Variants in QRICH2 observed in about 807,000 individuals in gnomAD.
QRICH2 encodes glutamine-rich protein 2.
Under a neutral mutation model 168.3 loss-of-function variants are expected in QRICH2, and 119 were observed. The ratio of observed to expected loss-of-function variants is 0.71; its 90% CI spans 0.61 to 0.82. QRICH2 has a LOEUF of 0.82. Ranked by LOEUF, QRICH2 falls within the 40% of genes least tolerant of loss-of-function variation. QRICH2 has a pLI of 0.00. For synonymous variants in QRICH2, 894 were observed against 951.2 expected (o/e 0.94, Z 1.11); for missense variants, 2,241 against 2,491.6 (o/e 0.90, Z 2.14).
intron 16 of QRICH2, 84 bp downstream of exon 16, chr17:76,277,079 T>C (rs993373308): frequency 8.5e-6 from 12 of 1,415,178 alleles, no homozygotes; most frequent in Non-Finnish European, 1.1e-5. Context: ...GCTGGCTGAT[T>C]TTCTGGTGGC....
Position 76,277,281 on chromosome 17 carries a change from G to A in QRICH2, c.5147C>T (p.Ser1716Leu), listed in dbSNP as rs1298361773. 6.2e-7 allele frequency: 1 copy of A among 1,608,228 alleles called. No homozygotes were observed. The highest frequency in any genetic ancestry group is 8.5e-7 in the Non-Finnish European group (1 of 1,178,372). Residue 1716 changes from serine (S) to leucine (L), a missense_variant, in exon 16 of 19, where the codon TCA (serine) becomes TTA (leucine). Physicochemically the swap from Ser to Leu is moderately radical, Grantham distance 145. Coordinates refer to ENST00000680821, the MANE Select transcript of QRICH2 (RefSeq NM_001388453.1). ...GCCCCCGCAGCGCCGGGGCACAGTT[G>A]AGTAGGTGTAATCAGCCATATCTGT... is the stretch of plus-strand genomic sequence containing the variant. The part of the protein sequence containing the change: ...RVTDMADYTY[S>L]TVPRRCGGSH...
In QRICH2 at chr17:76,308,010, G is replaced by A; in HGVS notation, c.-12C>T. The A allele has an allele frequency of 3.2e-6, 4 of 1,232,768 alleles. No homozygotes were observed. Among genetic ancestry groups the A allele is most frequent in the South Asian group, 4.1e-5 (1 of 24,544 alleles). The allele number at this position is 1,232,768 out of a possible 1,614,324, so 76.4% of individuals were successfully genotyped here. ...GTCGCGGGCGGCATCGTGGCTGTCA[G>A]GAGCTGTGCGCCGCCGCGGGGCGCC... On this transcript the variant is annotated 5_prime_UTR_variant, in exon 1 of 19. Coordinates refer to ENST00000680821, the MANE Select transcript of QRICH2 (RefSeq NM_001388453.1).
intron 7 of QRICH2, among the ~76,000 whole-genome samples, chr17:76,286,060 A>C (rs2070879322): frequency 6.6e-6 from 1 of 152,120 alleles, no homozygotes; most frequent in East Asian, 1.9e-4. Flanking sequence ...CTGTAGTCCC[A>C]GCTACTCGGG....
In QRICH2 at chr17:76,291,761, C is replaced by T. The variant is rs375002218; in HGVS notation, c.2966G>A (p.Arg989His). 6.4e-5 allele frequency: 103 copies of T among 1,614,056 alleles called. No individual in the cohort carries two copies. The highest frequency in any genetic ancestry group is 1.7e-4 in the Admixed American group (10 of 59,998). Residue 989 changes from arginine to histidine, a missense_variant, in exon 4 of 19, where the codon CGT becomes CAT. Coordinates refer to ENST00000680821, the MANE Select transcript of QRICH2 (RefSeq NM_001388453.1). Reference protein sequence around the residue: ...PGLIAPGTKLRGSSTFQADST... With the variant: ...PGLIAPGTKLHGSSTFQADST... Reference sequence around the variant, plus strand: ...ATCTGCCTGGAATGTTGAAGAGCCACGAAGCTTTGTGCCTGGTGCTATCAA... The same window carrying T: ...ATCTGCCTGGAATGTTGAAGAGCCATGAAGCTTTGTGCCTGGTGCTATCAA...
At chr17:76,274,712 G>C (rs191100108) in intron 18 of QRICH2, among the ~76,000 whole-genome samples, 2 of 152,176 alleles carry the variant, frequency 1.3e-5, no homozygotes, top group Non-Finnish European at 2.9e-5. Context: ...ACAGTCATGT[G>C]CTCACTGTCC....
Position 76,292,546 on chromosome 17 carries a change from C to G in QRICH2, c.2181G>C (p.Gln727His), listed in dbSNP as rs535027398. Residue 727 changes from glutamine to histidine, a missense_variant, in exon 4 of 19, where the codon CAG (glutamine) becomes CAC (histidine). By Grantham distance (24) the Gln-to-His change is conservative. This residue lies in a region of QRICH2 where 2,047 missense variants were observed against 2,303.8 expected (regional missense o/e 0.89). Transcript: ENST00000680821. ...CTACTCCAGGTTGGACCAAACCATG[C>G]TGAACTGCACCAGGTTGAGCCAAAT... ...QSDLAQPGAVQHGLVQPGVDQ... is the reference protein window; with the variant it reads ...QSDLAQPGAVHHGLVQPGVDQ... The G allele has an allele frequency of 8.4e-5, 135 of 1,613,812 alleles. No individual in the cohort carries two copies. The highest frequency in any genetic ancestry group is 1.1e-4 in the Non-Finnish European group (130 of 1,179,942).
Position 76,307,644 on chromosome 17 carries a change from G to A in QRICH2, c.355C>T (p.Arg119Cys). 8 of 1,483,922 alleles carry A rather than the reference G, an allele frequency of 5.4e-6. No individual in the cohort carries two copies. Among genetic ancestry groups the A allele is most frequent in the South Asian group, 2.7e-5 (2 of 74,496 alleles). 91.9% of individuals were successfully genotyped at this position (1,483,922 alleles called of 1,614,324 possible). A position where few individuals can be genotyped will look rare whatever the true frequency, so the allele number is the denominator to read the frequency against. Residue 119 changes from arginine (R) to cysteine (C), a missense_variant, in exon 1 of 19, where the codon CGT (arginine) becomes TGT (cysteine). Arg to Cys is a radical substitution (Grantham distance 180). Transcript: ENST00000680821. This position sits in a 1 kb window ranked among gnomAD's most constrained non-coding sequence, Gnocchi z 5.3. ...QVEDLSKQLK[R>C]VDGQVQGIAT... is the part of the protein sequence containing the mutation. ...ATGCCCTGCACCTGGCCGTCCACAC[G>A]CTTGAGCTGCTTGCTCAGGTCCTCC...
At chr17:76,277,467 G>A (rs1436463148) in intron 15 of QRICH2, among the ~76,000 whole-genome samples, 157 bp from the exon 16 acceptor site, 1 of 152,034 alleles carries the variant, frequency 6.6e-6, no homozygotes, top group African/African-American at 2.4e-5. Context: ...GGCGGGCGGG[G>A]GTAGAGCAGC....
rs61553346 is a variant in QRICH2 at position 76,284,168 on chromosome 17, CA to C, written c.4012-2054del. Among the ~76,000 whole-genome samples the C allele has an allele frequency of 7.0e-3, 439 of 62,724 alleles. 7 individuals carry two copies. The highest frequency in any genetic ancestry group is 0.027 in the African/African-American group (251 of 9,166). 41.1% of individuals were successfully genotyped at this position (62,724 alleles called of 152,430 possible). On this transcript the variant is annotated intron_variant, in intron 7 of 18. Coordinates refer to ENST00000680821, the MANE Select transcript of QRICH2 (RefSeq NM_001388453.1). ...GGGCAACAGAGCAAAACTCTGTCTCCAAAAAAAAAAAAAAAAAAAAAAAAAA... is the reference window on the plus strand; with the variant it reads ...GGGCAACAGAGCAAAACTCTGTCTCCAAAAAAAAAAAAAAAAAAAAAAAAA...
Position 76,281,773 on chromosome 17 carries a change from C to G in QRICH2, c.4263+91G>C. The stretch of plus-strand genomic sequence containing the variant: ...GAGAGCTGACCTTGAGGCCCAAACA[C>G]CCGCCCCACTTCTGTGGGTCTGCAG... On this transcript the variant is annotated intron_variant, in intron 8 of 18. Transcript: ENST00000680821. This position sits in a 1 kb window ranked among gnomAD's most constrained non-coding sequence, Gnocchi z 4.4. 6.6e-7 allele frequency: 1 copy of G among 1,523,230 alleles called. No homozygotes were observed. Among genetic ancestry groups the G allele is most frequent in the South Asian group, 1.2e-5 (1 of 82,840 alleles). The allele number at this position is 1,523,230 out of a possible 1,614,324, so 94.4% of individuals were successfully genotyped here. A position where few individuals can be genotyped will look rare whatever the true frequency, so the allele number is the denominator to read the frequency against.
In QRICH2 at chr17:76,307,773, G is replaced by A; in HGVS notation, c.226C>T (p.Pro76Ser). ...GGCGCCCCCTTGGGCACCTCCTTGG[G>A]CGCGGGCAGGTGCGGGATGCTGAAC... Reference protein sequence around the residue: ...SSFSIPHLPAPKEVPKGAPRE... With the variant: ...SSFSIPHLPASKEVPKGAPRE... The change falls in exon 1 of 19, where the codon CCC becomes TCC. Residue 76 changes from proline to serine, a missense_variant. Pro to Ser is a moderately conservative substitution (Grantham distance 74). Around this residue, in one of 3 missense-constraint regions of QRICH2, gnomAD observed 2,047 missense variants for 2,303.8 expected, o/e 0.89. Coordinates refer to ENST00000680821, the MANE Select transcript of QRICH2 (RefSeq NM_001388453.1). This position sits in a 1 kb window ranked among gnomAD's most constrained non-coding sequence, Gnocchi z 5.3. The A allele has an allele frequency of 7.2e-7, 1 of 1,386,028 alleles. No individual in the cohort carries two copies. Among genetic ancestry groups the A allele is most frequent in the South Asian group, 1.7e-5 (1 of 59,442 alleles). The allele number at this position is 1,386,028 out of a possible 1,614,324, so 85.9% of individuals were successfully genotyped here.
rs758161021 is a variant in QRICH2 at position 76,291,370 on chromosome 17, T to TA, written c.3356dup (p.Ser1120LysfsTer3). ...CTTCCTGGCCATGCTGATCAGCACT[T>TA]AGATACCCTGGGCCACGATAACCAG... is the stretch of plus-strand genomic sequence containing the variant. On this transcript the variant is annotated frameshift_variant, in exon 4 of 19. Coordinates refer to ENST00000680821, the MANE Select transcript of QRICH2 (RefSeq NM_001388453.1). LOFTEE classifies it high-confidence loss of function. 6.2e-7 allele frequency: 1 copy of TA among 1,614,050 alleles called. No individual in the cohort carries two copies. The highest frequency in any genetic ancestry group is 8.5e-7 in the Non-Finnish European group (1 of 1,180,004).
rs2070963253 is a variant in QRICH2, at chr17:76,290,206, T to G, written c.3713-129A>C. On this transcript the variant is annotated intron_variant, in intron 4 of 18. Transcript: ENST00000680821. ...AGGACCTATTACTTTATCCTGTGTC[T>G]CCTGGTGACTGGGAAAGGGAGGTGG... 1.2e-5 allele frequency: 7 copies of G among 585,508 alleles called. No homozygotes were observed. In the East Asian group the frequency reaches 2.2e-4, roughly 19 times the overall value. 36.3% of individuals were successfully genotyped at this position (585,508 alleles called of 1,614,324 possible).
Position 76,280,863 on chromosome 17 carries a change from C to T in QRICH2, c.4354G>A (p.Glu1452Lys), listed in dbSNP as rs748721354. ...KLNITTSNLI[E>K]DHRQKQKDIA... ...TCCTTCTGTTTCTGCCGATGGTCCT[C>T]GATGAGGTTGCTGGTGGTGATGTTG... Residue 1452 changes from glutamate to lysine, a missense_variant, in exon 9 of 19, where the codon GAG becomes AAG. Physicochemically the swap from Glu to Lys is moderately conservative, Grantham distance 56 (BLOSUM62 1). Coordinates refer to ENST00000680821, the MANE Select transcript of QRICH2 (RefSeq NM_001388453.1). The surrounding 1 kb of genome is among the most constrained non-coding windows in gnomAD (Gnocchi z 7.4). 9.9e-6 allele frequency: 16 copies of T among 1,613,710 alleles called. No individual in the cohort carries two copies. The highest frequency in any genetic ancestry group is 1.3e-5 in the African/African-American group (1 of 74,918).
At chr17:76,308,296 G>A (rs2143426863), upstream of QRICH2, 2 of 985,412 alleles carry the variant, frequency 2.0e-6, no homozygotes, top group Non-Finnish European at 1.2e-6. Context: ...GGGCCCCCGC[G>A]TGCCCTGAAG....
In QRICH2 at chr17:76,274,145, C is replaced by A; in HGVS notation, c.5598G>T (p.Val1866=). Reference sequence around the variant, plus strand: ...CGAGCCCCTCCCCAGGAGGCATGTCCACGTGCCTCTCCAGCCCCCTGTTTG... The same window carrying A: ...CGAGCCCCTCCCCAGGAGGCATGTCAACGTGCCTCTCCAGCCCCCTGTTTG... ...AVANRGLERH[V]DMPPGEGLEE... Residue 1866 remains valine (V), a synonymous_variant, in exon 19 of 19, where the codon GTG becomes GTT. Transcript: ENST00000680821. 1 of 1,589,352 alleles carries A rather than the reference C, an allele frequency of 6.3e-7. No homozygotes were observed. Among genetic ancestry groups the A allele is most frequent in the Non-Finnish European group, 8.5e-7 (1 of 1,171,878 alleles).
chr17:76,305,078 C>A, intron 1 of QRICH2, 137 bp from the exon 2 acceptor site: 1 of 698,952 alleles, frequency 1.4e-6, no homozygotes, highest in Non-Finnish European at 2.7e-6. Flanking sequence ...CACACTGACT[C>A]AGTGCCAGGA....
intron 17 of QRICH2, among the ~76,000 whole-genome samples, 164 bp downstream of exon 17, chr17:76,276,516 C>T (rs1348438811): frequency 6.6e-6 from 1 of 152,208 alleles, no homozygotes; most frequent in Non-Finnish European, 1.5e-5. Flanking sequence ...CACCTGTGAA[C>T]ATTTACTTGG....
Position 76,287,318 on chromosome 17 carries a change from G to A in QRICH2, c.3897-12C>T, listed in dbSNP as rs201868431. ...CAGCCACGGTGACTCTGTGGTGCAC[G>A]ATGAGAGACTGCCAGACTCCACACT... On this transcript the variant is annotated splice_polypyrimidine_tract_variant and intron_variant, in intron 6 of 18. Coordinates refer to ENST00000680821, the MANE Select transcript of QRICH2 (RefSeq NM_001388453.1). The A allele has an allele frequency of 2.7e-4, 431 of 1,589,878 alleles. No individual in the cohort carries two copies. The highest frequency in any genetic ancestry group is 4.5e-4 in the Admixed American group (27 of 59,840).
Sources: allele counts gnomAD v4.1 joint callset (sites outside exome capture counted in the v4.1 genomes callset), GRCh38; gene constraint gnomAD v4.1.1; regional missense constraint gnomAD v4.1.1; non-coding constraint Gnocchi (gnomAD v3.1); transcripts MANE v1.5; gene names NCBI Gene and HGNC (gene_info 2026-07-23, HGNC 2026-07-21).